The following NRXN3 variants were observed in gnomAD, a reference collection of about 807,000 sequenced individuals.
The protein encoded by NRXN3 is neurexin 3.
In NRXN3, 32 loss-of-function variants were observed where a neutral mutation model predicts 137.6. That is an observed-to-expected ratio of 0.23 (90% CI 0.18 to 0.31). The LOEUF is 0.31. Ranked by LOEUF, NRXN3 falls within the 10% of genes least tolerant of loss-of-function variation. NRXN3 has a pLI of 1.00. For synonymous variants in NRXN3, 798 were observed against 784.5 expected, an observed-to-expected ratio of 1.02 and a Z score of -0.29; for missense variants, 1,574 against 2,062.5, an observed-to-expected ratio of 0.76 and a Z score of 4.59.
chr14:78,651,072 A>T, intron 5 of NRXN3, 93 bp from the exon 6 acceptor site: 1 of 1,178,694 alleles, frequency 8.5e-7, no homozygotes, highest in Non-Finnish European at 1.2e-6. Context: ...AATCTTAATG[A>T]AAGTGATGCC....
chr14:79,783,179 A>C (rs2099119205), intron 19 of NRXN3, among the ~76,000 whole-genome samples: 1 of 152,226 alleles, frequency 6.6e-6, no homozygotes, highest in South Asian at 2.1e-4. Context: ...CCCTCTGTGG[A>C]TAGCTTGGCA....
At chr14:78,526,703 G>A in intron 4 of NRXN3, 2 of 511,280 alleles carry the variant, frequency 3.9e-6, no homozygotes, top group Middle Eastern at 3.2e-4. Context: ...GCACTTTCGT[G>A]CATTATTATC....
chr14:78,543,824 G>A (rs1047727664), intron 4 of NRXN3, among the ~76,000 whole-genome samples: 3 of 152,060 alleles, frequency 2.0e-5, no homozygotes, highest in African/African-American at 7.2e-5. Flanking sequence ...TTGAGTGCAG[G>A]TAGCCTCTTC....
chr14:79,508,390 A>ATTTTTTTT (rs528502246), intron 16 of NRXN3, among the ~76,000 whole-genome samples: 567 of 48,196 alleles, frequency 0.012, 121 homozygotes, highest in African/African-American at 0.034. Flanking sequence ...ACAATAACTG[A>ATTTTTTTT]TTTTTTTTTT....
chr14:79,296,045 C>T (rs2084048314), intron 15 of NRXN3, among the ~76,000 whole-genome samples: 1 of 152,200 alleles, frequency 6.6e-6, no homozygotes, highest in African/African-American at 2.4e-5. Context: ...GAAGAGCTCA[C>T]TCTCATTTTA....
chr14:78,447,680 C>T (rs2094452502), intron 4 of NRXN3, among the ~76,000 whole-genome samples: 1 of 152,194 alleles, frequency 6.6e-6, no homozygotes, highest in South Asian at 2.1e-4. Context: ...ATTCCTTGTC[C>T]TTCACAGAAT....
chr14:78,561,623 G>A (rs1354121602), intron 4 of NRXN3, among the ~76,000 whole-genome samples: 1 of 152,130 alleles, frequency 6.6e-6, no homozygotes. Flanking sequence ...GGCAGTATAG[G>A]AAAGCATATA....
chr14:79,251,349 G>A (rs1355667834), intron 15 of NRXN3, among the ~76,000 whole-genome samples: 1 of 152,176 alleles, frequency 6.6e-6, no homozygotes, highest in African/African-American at 2.4e-5. Context: ...GAATGATGCT[G>A]TGGAGATAGT....
At chr14:78,261,339 T>C (rs1378482354) in intron 2 of NRXN3, among the ~76,000 whole-genome samples, 3 of 152,230 alleles carry the variant, frequency 2.0e-5, no homozygotes, top group African/African-American at 7.2e-5. Context: ...AGACACATGT[T>C]CTTCAAAGAG....
At chr14:79,853,658 T>C in intron 20 of NRXN3, 1 of 1,314,586 alleles carries the variant, frequency 7.6e-7, no homozygotes, top group South Asian at 1.2e-5. Flanking sequence ...GATATGACCC[T>C]CCCCTTCCTG....
chr14:78,525,949 A>G (rs2096372205), intron 4 of NRXN3, among the ~76,000 whole-genome samples: 1 of 152,144 alleles, frequency 6.6e-6, no homozygotes, highest in South Asian at 2.1e-4. Context: ...AGAATTCACT[A>G]AATTCACATT....
intron 19 of NRXN3, among the ~76,000 whole-genome samples, chr14:79,803,563 C>T (rs1383867826): frequency 2.0e-5 from 3 of 152,064 alleles, no homozygotes; most frequent in African/African-American, 7.2e-5. Flanking sequence ...CCTAATGCTT[C>T]ATTTTAACTT....
intron 15 of NRXN3, among the ~76,000 whole-genome samples, chr14:79,271,416 C>A (rs1180651327): frequency 7.4e-6 from 1 of 134,992 alleles, no homozygotes; most frequent in Non-Finnish European, 1.6e-5. Flanking sequence ...CCCTTTCTTT[C>A]CCTTCCCCTT....
At chr14:78,755,331 G>T (rs554468992) in intron 8 of NRXN3, among the ~76,000 whole-genome samples, 5 of 151,840 alleles carry the variant, frequency 3.3e-5, no homozygotes, top group Admixed American at 1.3e-4. Flanking sequence ...CCAGTCTAGC[G>T]CATGCCTTTA....
intron 6 of NRXN3, among the ~76,000 whole-genome samples, chr14:78,707,472 A>T (rs2098363872): frequency 1.3e-5 from 2 of 152,344 alleles, no homozygotes; most frequent in South Asian, 2.1e-4. Flanking sequence ...TTCAAATAAG[A>T]GTAAAACTTT....
At chr14:78,410,733 G>T (rs943155014) in intron 4 of NRXN3, among the ~76,000 whole-genome samples, 9 of 152,226 alleles carry the variant, frequency 5.9e-5, no homozygotes, top group African/African-American at 1.4e-4. Context: ...AACTCTGGCA[G>T]ACTCCTTCTG....
intron 15 of NRXN3, among the ~76,000 whole-genome samples, chr14:79,267,462 G>A (rs935194181): frequency 2.6e-5 from 4 of 151,258 alleles, no homozygotes; most frequent in East Asian, 1.9e-4. Context: ...AGGCTCAACC[G>A]TTCTCATGCC....
At chr14:79,464,019 GA>G (rs1413764553) in intron 15 of NRXN3, among the ~76,000 whole-genome samples, 4 of 152,006 alleles carry the variant, frequency 2.6e-5, no homozygotes, top group Non-Finnish European at 5.9e-5. Flanking sequence ...AAATTAACAC[GA>G]AGTATGTATT....
chr14:79,682,996 C>A (rs1436060225), intron 17 of NRXN3, among the ~76,000 whole-genome samples: 1 of 152,082 alleles, frequency 6.6e-6, no homozygotes, highest in African/African-American at 2.4e-5. Flanking sequence ...AAAATCCAGT[C>A]CCCTCCCACC....
Sources: gnomAD v4.1 joint callset for allele counts (sites outside exome capture counted in the v4.1 genomes callset) on GRCh38, gnomAD v4.1.1 for gene constraint, MANE v1.5 for transcripts, NCBI Gene and HGNC (gene_info 2026-07-23, HGNC 2026-07-21) for gene names.